The following MON2 variants were observed in gnomAD, a reference collection of about 807,000 sequenced individuals.
MON2 encodes protein MON2 homolog.
Under a neutral mutation model 208.6 loss-of-function variants are expected in MON2, and 84 were observed. The observed-to-expected ratio is 0.40, with a 90% confidence interval of 0.34 to 0.48. The LOEUF is 0.48. Among genes scored for constraint, MON2 ranks in the 20% least tolerant of loss-of-function variants. The pLI, the probability that MON2 is intolerant of heterozygous loss-of-function variation, is 0.59. For missense variants in MON2, 1,611 were observed against 2,015.4 expected (o/e 0.80, Z 3.84); for synonymous variants, 660 against 694.0 (o/e 0.95, Z 0.77).
intron 1 of MON2, among the ~76,000 whole-genome samples, chr12:62,468,783 TATAAG>T (rs2068638871): frequency 6.6e-6 from 1 of 152,250 alleles, no homozygotes; most frequent in Non-Finnish European, 1.5e-5. Flanking sequence ...TTGTTTTAAT[TATAAG>T]AGAAATGCTC....
Position 62,535,657 on chromosome 12 carries a change from T to G in MON2, c.1848T>G (p.His616Gln), listed in dbSNP as rs1238928402. 8.1e-6 allele frequency: 13 copies of G among 1,613,514 alleles called. No homozygotes were observed. The highest frequency in any genetic ancestry group is 1.1e-5 in the Non-Finnish European group (13 of 1,179,772). Residue 616 changes from histidine to glutamine, a missense_variant, in exon 14 of 35, where the codon CAT (histidine) becomes CAG (glutamine). Coordinates refer to ENST00000393630, the MANE Select transcript of MON2 (RefSeq NM_015026.3). Reference sequence around the variant, plus strand: ...TATGCAAAGGTTCCCTGCCTCCCCATTATGCTCTTACTGTATTGAATACCA... The same window carrying G: ...TATGCAAAGGTTCCCTGCCTCCCCAGTATGCTCTTACTGTATTGAATACCA... ...TAICKGSLPPHYALTVLNTTT... is the reference protein window; with the variant it reads ...TAICKGSLPPQYALTVLNTTT...
rs1325695186 is a variant in MON2 at position 62,560,556 on chromosome 12, A to T, written c.3475A>T (p.Asn1159Tyr). Residue 1159 changes from asparagine (N) to tyrosine (Y), a missense_variant, in exon 26 of 35, where the codon AAT (asparagine) becomes TAT (tyrosine). Physicochemically the swap from Asn to Tyr is moderately radical, Grantham distance 143. Coordinates refer to ENST00000393630, the MANE Select transcript of MON2 (RefSeq NM_015026.3). Reference sequence around the variant, plus strand: ...ACAGTCAGCAGCACTCAGCAAAAACAATGAAGTATCTCTGGCTGCTCTGAA... The same window carrying T: ...ACAGTCAGCAGCACTCAGCAAAAACTATGAAGTATCTCTGGCTGCTCTGAA... ...HIQSAALSKN[N>Y]EVSLAALKSF... 6.2e-7 allele frequency: 1 copy of T among 1,614,048 alleles called. No individual in the cohort carries two copies. The highest frequency in any genetic ancestry group is 1.7e-5 in the Admixed American group (1 of 60,026).
At chr12:62,556,788 T>C (rs1284099237) in intron 25 of MON2, among the ~76,000 whole-genome samples, 5 of 152,038 alleles carry the variant, frequency 3.3e-5, no homozygotes, top group African/African-American at 1.2e-4. Flanking sequence ...TAGGAGAAAG[T>C]TAGGAGGCTG....
At position 62,595,534 on chromosome 12, in the gene MON2, C is replaced by T. The variant is rs1372082314; in HGVS notation, c.*2785C>T. 1.3e-5 allele frequency: 2 copies of T among 152,146 alleles called. No individual in the cohort carries two copies. The highest frequency in any genetic ancestry group is 1.3e-4 in the Admixed American group (2 of 15,278). 9.4% of individuals were successfully genotyped at this position (152,146 alleles called of 1,614,324 possible). On this transcript the variant is annotated 3_prime_UTR_variant, in exon 35 of 35. Coordinates refer to ENST00000393630, the MANE Select transcript of MON2 (RefSeq NM_015026.3). The stretch of plus-strand genomic sequence containing the variant: ...ATTGCTGGACAACAGACATATGCCA[C>T]CAATTGTATGATTAATAAAGTCTTT...
Position 62,598,052 on chromosome 12 carries a change from T to C in MON2, c.*5303T>C, listed in dbSNP as rs1424194795. ...CTTACAAGAATAATTTGAGGCAGCA[T>C]ATTGCCCATGTATTTCAACTATTTT... On this transcript the variant is annotated 3_prime_UTR_variant, in exon 35 of 35. Transcript: ENST00000393630. 2 of 152,222 alleles carry C rather than the reference T, an allele frequency of 1.3e-5. No individual in the cohort carries two copies. Among genetic ancestry groups the C allele is most frequent in the African/African-American group, 4.8e-5 (2 of 41,476 alleles). 9.4% of individuals were successfully genotyped at this position (152,222 alleles called of 1,614,324 possible). A position where few individuals can be genotyped will look rare whatever the true frequency, so the allele number is the denominator to read the frequency against.
intron 8 of MON2, among the ~76,000 whole-genome samples, chr12:62,513,608 T>C (rs986659634): frequency 6.6e-6 from 1 of 152,116 alleles, no homozygotes; most frequent in African/African-American, 2.4e-5. Context: ...ACTGAATGTC[T>C]TTAAGAGCAC....
chr12:62,513,791 C>T (rs1441895361), intron 8 of MON2, among the ~76,000 whole-genome samples: 1 of 126,254 alleles, frequency 7.9e-6, no homozygotes, highest in African/African-American at 2.6e-5. Flanking sequence ...CTAAAAAATA[C>T]AAAAAAAAAC....
intron 1 of MON2, among the ~76,000 whole-genome samples, chr12:62,468,164 A>AAC (rs1555229482): frequency 9.3e-5 from 14 of 151,344 alleles, no homozygotes; most frequent in African/African-American, 3.4e-4. Flanking sequence ...CTAAAAAAAA[A>AAC]AAACAAACAA....
intron 33 of MON2, 64 bp downstream of exon 33, chr12:62,585,565 A>G (rs1254538189): frequency 4.6e-6 from 6 of 1,309,202 alleles, no homozygotes; most frequent in Non-Finnish European, 6.2e-6. Flanking sequence ...TAACAAGGAA[A>G]ACTCTGAAAA....
chr12:62,544,926 G>C lies in MON2; in HGVS notation c.2495G>C (p.Arg832Thr), dbSNP rs1245376384. 1 of 1,608,920 alleles carries C rather than the reference G, an allele frequency of 6.2e-7. No individual in the cohort carries two copies. The highest frequency in any genetic ancestry group is 8.5e-7 in the Non-Finnish European group (1 of 1,177,796). ...TGCCAGCATCCAAACTCTCGAATGA[G>C]AGAATGGGGAGCAGAAGCTTTAACT... Reference protein sequence around the residue: ...EVCQHPNSRMREWGAEALTSL... With the variant: ...EVCQHPNSRMTEWGAEALTSL... Residue 832 changes from arginine to threonine, a missense_variant, in exon 21 of 35, where the codon AGA becomes ACA. Physicochemically the swap from Arg to Thr is moderately conservative, Grantham distance 71 (BLOSUM62 -1). Transcript: ENST00000393630.
intron 10 of MON2, 80 bp downstream of exon 10, chr12:62,525,300 A>G (rs1454424902): frequency 4.1e-6 from 6 of 1,469,466 alleles, no homozygotes; most frequent in Non-Finnish European, 5.6e-6. Flanking sequence ...ATATTATGAA[A>G]TTCTGTGACT....
In MON2 at chr12:62,592,800, C is replaced by T. The variant is rs765116340; in HGVS notation, c.*51C>T. The T allele has an allele frequency of 7.4e-6, 11 of 1,478,442 alleles. No individual in the cohort carries two copies. The South Asian group carries it at 1.5e-4, about 20-fold the overall frequency. The allele number at this position is 1,478,442 out of a possible 1,614,324, so 91.6% of individuals were successfully genotyped here. ...GAAGATAGTCTAAAAAATGTTTGCT[C>T]CTAATTGAGTCTTCTGTGAGAAGGA... On this transcript the variant is annotated 3_prime_UTR_variant, in exon 35 of 35. Coordinates refer to ENST00000393630, the MANE Select transcript of MON2 (RefSeq NM_015026.3).
In MON2 at chr12:62,596,810, G is replaced by T. The variant is rs983488875; in HGVS notation, c.*4061G>T. ...TGTTTATAGATTCAGAAAGAGAGAT[G>T]ATATCTTTGTATCTTGATTTATATA... On this transcript the variant is annotated 3_prime_UTR_variant, in exon 35 of 35. Transcript: ENST00000393630. 6.6e-6 allele frequency: 1 copy of T among 152,318 alleles called. No homozygotes were observed. Among genetic ancestry groups the T allele is most frequent in the Admixed American group, 6.5e-5 (1 of 15,296 alleles). The allele number at this position is 152,318 out of a possible 1,614,324, so 9.4% of individuals were successfully genotyped here. A position where few individuals can be genotyped will look rare whatever the true frequency, so the allele number is the denominator to read the frequency against.
intron 30 of MON2, 94 bp downstream of exon 30, chr12:62,571,676 AT>A: frequency 9.6e-7 from 1 of 1,039,874 alleles, no homozygotes; most frequent in Admixed American, 2.7e-5. Context: ...TAACAAAGTA[AT>A]TGATTATAAA....
intron 24 of MON2, among the ~76,000 whole-genome samples, chr12:62,554,998 G>A (rs1334911254): frequency 1.3e-5 from 2 of 151,660 alleles, no homozygotes; most frequent in East Asian, 1.9e-4. Context: ...GGGTTTCACT[G>A]TGTTAGCCAG....
intron 34 of MON2, among the ~76,000 whole-genome samples, chr12:62,590,686 A>G (rs1235971201): frequency 6.6e-6 from 1 of 152,208 alleles, no homozygotes; most frequent in Non-Finnish European, 1.5e-5. Context: ...AATTTTGTAC[A>G]CAAATGAATA....
At chr12:62,471,919 C>T (rs1039983294) in intron 1 of MON2, among the ~76,000 whole-genome samples, 1 of 152,120 alleles carries the variant, frequency 6.6e-6, no homozygotes, top group Non-Finnish European at 1.5e-5. Flanking sequence ...CAGAAGGGAG[C>T]GACAAGTTGT....
At chr12:62,510,038 G>C (rs1352102834) in intron 8 of MON2, among the ~76,000 whole-genome samples, 1 of 152,060 alleles carries the variant, frequency 6.6e-6, no homozygotes, top group Admixed American at 6.5e-5. Context: ...GAAGAATTAT[G>C]TGCCAACAAA....
In MON2 at chr12:62,538,752, T is replaced by A. The variant is rs549968807; in HGVS notation, c.2364+247T>A. The stretch of plus-strand genomic sequence containing the variant: ...CATTTCTCTTATATACTGAACATTT[T>A]AAAAATATTTTTATAAAATAATATA... On this transcript the variant is annotated intron_variant, in intron 19 of 34. Coordinates refer to ENST00000393630, the MANE Select transcript of MON2 (RefSeq NM_015026.3). Among the ~76,000 whole-genome samples, 31 of 152,194 alleles carry A rather than the reference T, an allele frequency of 2.0e-4. No homozygotes were observed. The East Asian group carries it at 3.9e-3, about 19-fold the overall frequency.
Sources: gnomAD v4.1 joint callset for allele counts (sites outside exome capture counted in the v4.1 genomes callset) on GRCh38, gnomAD v4.1.1 for gene constraint, MANE v1.5 for transcripts, NCBI Gene and HGNC (gene_info 2026-07-23, HGNC 2026-07-21) for gene names.